Variants in PKP4 observed in about 807,000 individuals in gnomAD.
PKP4 encodes plakophilin-4.
In PKP4, 90 loss-of-function variants were observed where a neutral mutation model predicts 145.1. The observed-to-expected ratio is 0.62, with a 90% CI of 0.52 to 0.74. PKP4 has a LOEUF of 0.74. Among genes scored for constraint, PKP4 ranks in the 30% least tolerant of loss-of-function variants. The pLI, the probability that PKP4 is intolerant of heterozygous loss-of-function variation, is 0.00. For synonymous variants in PKP4, 563 were observed against 577.2 expected (o/e 0.98, Z 0.35); for missense variants, 1,340 against 1,482.7 (o/e 0.90, Z 1.58).
In PKP4 at chr2:158,510,576, A is replaced by G. The variant is rs373147660; in HGVS notation, c.-5-22604A>G. 2.0e-5 allele frequency among the ~76,000 whole-genome samples: 3 copies of G among 152,328 alleles called. No homozygotes were observed. The East Asian group carries it at 5.8e-4, about 29-fold the overall frequency. ...TCTTCTTAAGGATGAGGCACTTGCAAAGTGCCTGTGTGTCAAAGGAAGAAA... is the reference window on the plus strand; with the variant it reads ...TCTTCTTAAGGATGAGGCACTTGCAGAGTGCCTGTGTGTCAAAGGAAGAAA... On this transcript the variant is annotated intron_variant, in intron 1 of 21. Coordinates refer to ENST00000389759, the MANE Select transcript of PKP4 (RefSeq NM_003628.6).
chr2:158,637,072 T>C (rs1226666413), intron 9 of PKP4, among the ~76,000 whole-genome samples: 1 of 152,184 alleles, frequency 6.6e-6, no homozygotes, highest in African/African-American at 2.4e-5. Context: ...ATACTGACGG[T>C]TGTAGATGAT....
intron 4 of PKP4, among the ~76,000 whole-genome samples, chr2:158,607,662 G>T (rs1209506792): frequency 6.6e-6 from 1 of 152,134 alleles, no homozygotes; most frequent in Non-Finnish European, 1.5e-5. Flanking sequence ...TAGAGCCAGA[G>T]AAATACCCTG....
At chr2:158,629,302 T>C (rs901946676) in intron 7 of PKP4, among the ~76,000 whole-genome samples, 1 of 152,132 alleles carries the variant, frequency 6.6e-6, no homozygotes, top group Non-Finnish European at 1.5e-5. Context: ...CCATGAGGGA[T>C]AGCTGTGTCC....
Position 158,676,965 on chromosome 2 carries a change from A to C in PKP4, c.3256+98A>C, listed in dbSNP as rs140919414. 1.9e-4 allele frequency: 257 copies of C among 1,385,806 alleles called. 1 individual carries two copies. The African/African-American group carries it at 3.3e-3, about 18-fold the overall frequency. 85.8% of individuals were successfully genotyped at this position (1,385,806 alleles called of 1,614,324 possible). A position where few individuals can be genotyped will look rare whatever the true frequency, so the allele number is the denominator to read the frequency against. The stretch of plus-strand genomic sequence containing the variant: ...GGAAGTAGCCTGTGCTTGTATTGAG[A>C]CAGTCCCCCAGCAGCAAACCATGTT... On this transcript the variant is annotated intron_variant, in intron 20 of 21. Transcript: ENST00000389759.
intron 1 of PKP4, among the ~76,000 whole-genome samples, chr2:158,530,931 C>CCCT (rs1184198033): frequency 6.6e-6 from 1 of 152,084 alleles, no homozygotes; most frequent in Non-Finnish European, 1.5e-5. Context: ...AGCTCTCTGA[C>CCCT]CCTCCTCCTC....
chr2:158,624,716 GA>G lies in PKP4; in HGVS notation c.604-157del, dbSNP rs2052587647. On this transcript the variant is annotated intron_variant, in intron 6 of 21. Coordinates refer to ENST00000389759, the MANE Select transcript of PKP4 (RefSeq NM_003628.6). ...ACTAAAACAACTAAAGCACCGTGAGGAAAAATTAATGTCTGGCTCAAAGCAT... is the reference window on the plus strand; with the variant it reads ...ACTAAAACAACTAAAGCACCGTGAGGAAAATTAATGTCTGGCTCAAAGCAT... 2.0e-5 allele frequency among the ~76,000 whole-genome samples: 3 copies of G among 151,510 alleles called. No homozygotes were observed. In the South Asian group the frequency reaches 6.3e-4, roughly 32 times the overall value.
At chr2:158,491,932 G>T (rs1191869218) in intron 1 of PKP4, among the ~76,000 whole-genome samples, 4 of 152,004 alleles carry the variant, frequency 2.6e-5, no homozygotes, top group Admixed American at 2.6e-4. Context: ...GTAGCTAGAG[G>T]TGAAGTAGAT....
intron 11 of PKP4, among the ~76,000 whole-genome samples, chr2:158,645,915 A>C (rs1574944562): frequency 6.6e-6 from 1 of 152,228 alleles, no homozygotes; most frequent in Admixed American, 6.5e-5. Flanking sequence ...GCCCGACTTT[A>C]CTACCAAGGG....
intron 16 of PKP4, 104 bp from the exon 17 acceptor site, chr2:158,669,616 T>C (rs1051680589): frequency 2.3e-6 from 2 of 885,142 alleles, no homozygotes; most frequent in African/African-American, 3.3e-5. Flanking sequence ...ATTGTCTCTT[T>C]GGGGGTTTTA....
At chr2:158,666,695 A>C in intron 16 of PKP4, 132 bp downstream of exon 16, 1 of 681,630 alleles carries the variant, frequency 1.5e-6, no homozygotes, top group South Asian at 2.8e-5. Context: ...GTTTCTTGGC[A>C]TATTTGAGTA....
At chr2:158,581,522 C>T (rs1232544116) in intron 3 of PKP4, among the ~76,000 whole-genome samples, 1 of 152,206 alleles carries the variant, frequency 6.6e-6, no homozygotes, top group African/African-American at 2.4e-5. Context: ...TGGCCTCACC[C>T]TGTGAAGAAG....
intron 1 of PKP4, among the ~76,000 whole-genome samples, chr2:158,529,179 T>G (rs1288230481): frequency 6.6e-6 from 1 of 152,240 alleles, no homozygotes; most frequent in Non-Finnish European, 1.5e-5. Flanking sequence ...GCCTCCGTTA[T>G]TGCTCCAACC....
At chr2:158,559,342 G>C (rs1234930736) in intron 2 of PKP4, among the ~76,000 whole-genome samples, 1 of 103,164 alleles carries the variant, frequency 9.7e-6, no homozygotes, top group Non-Finnish European at 2.2e-5. Context: ...AGACTGTGTT[G>C]TCCTTTCTTT....
chr2:158,678,581 G>A lies in PKP4; in HGVS notation c.3257G>A (p.Gly1086Asp), dbSNP rs140703686. ...GDATHKGLYP[G>D]SSKPSPIYIS... ...AATTTCATAAAATATTTTCTTACAG[G>A]CTCCAGCAAACCTTCACCAATTTAC... The change falls in exon 21 of 22, where the codon GGC becomes GAC. Residue 1086 changes from glycine to aspartate, a missense_variant and splice_region_variant. Coordinates refer to ENST00000389759, the MANE Select transcript of PKP4 (RefSeq NM_003628.6). 8.7e-6 allele frequency: 14 copies of A among 1,605,774 alleles called. No individual in the cohort carries two copies. Among genetic ancestry groups the A allele is most frequent in the Non-Finnish European group, 1.2e-5 (14 of 1,172,502 alleles).
At chr2:158,564,400 C>T (rs1026422323) in intron 2 of PKP4, among the ~76,000 whole-genome samples, 4 of 152,046 alleles carry the variant, frequency 2.6e-5, no homozygotes, top group African/African-American at 9.7e-5. Context: ...GAGATGCCAT[C>T]GTTTGTTACA....
chr2:158,573,965 G>C (rs892449356), intron 2 of PKP4, among the ~76,000 whole-genome samples: 8 of 152,268 alleles, frequency 5.3e-5, no homozygotes. Context: ...GCCACCTGCT[G>C]GCAGATGGGA....
chr2:158,536,286 T>C (rs1265314653), intron 2 of PKP4, among the ~76,000 whole-genome samples: 1 of 152,236 alleles, frequency 6.6e-6, no homozygotes, highest in East Asian at 1.9e-4. Context: ...CAATTTTATG[T>C]ATATGTTATG....
chr2:158,578,246 C>T (rs767785949), intron 3 of PKP4: 2 of 212,250 alleles, frequency 9.4e-6, no homozygotes, highest in South Asian at 1.7e-4. Context: ...TTGGTATGAA[C>T]ATTAAACTAT....
chr2:158,558,617 G>T (rs1314021904), intron 2 of PKP4, among the ~76,000 whole-genome samples: 1 of 152,124 alleles, frequency 6.6e-6, no homozygotes, highest in Admixed American at 6.5e-5. Flanking sequence ...GCAGCCAGAT[G>T]ACAGAGTTGA....
Sources: allele counts gnomAD v4.1 joint callset (sites outside exome capture counted in the v4.1 genomes callset), GRCh38; gene constraint gnomAD v4.1.1; transcripts MANE v1.5; gene names NCBI Gene and HGNC (gene_info 2026-07-23, HGNC 2026-07-21).